Variants in SLC22A15 observed in about 807,000 individuals in gnomAD.
SLC22A15 encodes flipt 1.
In SLC22A15, 45 loss-of-function variants were observed where a neutral mutation model predicts 62.7. The observed-to-expected ratio is 0.72, with a 90% CI of 0.56 to 0.92. The LOEUF is 0.92. Ranked by LOEUF, SLC22A15 falls within the 40% of genes least tolerant of loss-of-function variation. The probability of loss-of-function intolerance (pLI) is 0.00; values close to 1 mark genes in which losing one functional copy is unlikely to be tolerated. For synonymous variants in SLC22A15, 264 were observed against 267.0 expected, an observed-to-expected ratio of 0.99 and a Z score of 0.11; for missense variants, 622 against 665.6, an observed-to-expected ratio of 0.93 and a Z score of 0.72.
At chr1:116,035,845 T>C (rs990275221) in intron 7 of SLC22A15, among the ~76,000 whole-genome samples, 1 of 152,206 alleles carries the variant, frequency 6.6e-6, no homozygotes, top group African/African-American at 2.4e-5. Context: ...TTGAGATAGA[T>C]TTTAAACGTT....
At chr1:116,056,111 A>T (rs1658200453) in intron 8 of SLC22A15, among the ~76,000 whole-genome samples, 1 of 150,980 alleles carries the variant, frequency 6.6e-6, no homozygotes, top group Non-Finnish European at 1.5e-5. Context: ...AGAGGAAGTC[A>T]AATTGTCCCT....
chr1:116,026,459 A>AAAGAAAG (rs2101384801), intron 4 of SLC22A15, among the ~76,000 whole-genome samples: 2 of 151,936 alleles, frequency 1.3e-5, no homozygotes, highest in African/African-American at 4.8e-5. Flanking sequence ...AGAAAAGAAA[A>AAAGAAAG]GAAAGAAACT....
In SLC22A15 at chr1:116,068,261, T is replaced by C. The variant is rs2101584979; in HGVS notation, c.*1153T>C. ...TTTCTCATGAAACTTGAATACTATCTCAAATAGGAATATAAACCTGGAGTC... is the reference window on the plus strand; with the variant it reads ...TTTCTCATGAAACTTGAATACTATCCCAAATAGGAATATAAACCTGGAGTC... On this transcript the variant is annotated 3_prime_UTR_variant, in exon 12 of 12. Transcript: ENST00000369503. 1 of 152,760 alleles carries C rather than the reference T, an allele frequency of 6.5e-6. No homozygotes were observed. The highest frequency in any genetic ancestry group is 1.9e-4 in the East Asian group (1 of 5,182). 9.5% of individuals were successfully genotyped at this position (152,760 alleles called of 1,614,324 possible).
chr1:116,000,905 T>C (rs900444707), intron 2 of SLC22A15, among the ~76,000 whole-genome samples: 1 of 152,324 alleles, frequency 6.6e-6, no homozygotes, highest in South Asian at 2.1e-4. Context: ...GTGCTGGGAT[T>C]ACAGGCGTGA....
chr1:116,059,145 A>T (rs1005680096), intron 8 of SLC22A15, among the ~76,000 whole-genome samples: 3 of 152,214 alleles, frequency 2.0e-5, no homozygotes, highest in Admixed American at 2.0e-4. Flanking sequence ...GTGGGATGCC[A>T]CAGGACACTG....
At chr1:116,025,166 C>T (rs1657029013) in intron 4 of SLC22A15, among the ~76,000 whole-genome samples, 2 of 152,134 alleles carry the variant, frequency 1.3e-5, no homozygotes. Flanking sequence ...TAGTATGTAA[C>T]AGAACTAGGA....
rs765083480 is a variant in SLC22A15, at chr1:116,020,851, T to G, written c.564T>G (p.Asn188Lys). 1 of 1,613,410 alleles carries G rather than the reference T, an allele frequency of 6.2e-7. No individual in the cohort carries two copies. The highest frequency in any genetic ancestry group is 8.5e-7 in the Non-Finnish European group (1 of 1,179,528). ...CGCTGGTGGCCTTTGTCTTGCTTAA[T>G]GAATGTGTGGGCACCGCCTACTGGG... The part of the protein sequence containing the change: ...GMSLVAFVLL[N>K]ECVGTAYWAL... Residue 188 changes from asparagine to lysine, a missense_variant, in exon 4 of 12, where the codon AAT becomes AAG. By Grantham distance (94) the Asn-to-Lys change is moderately conservative (BLOSUM62 0). Coordinates refer to ENST00000369503, the MANE Select transcript of SLC22A15 (RefSeq NM_018420.3).
chr1:116,064,190 T>C (rs1658444196), intron 9 of SLC22A15, among the ~76,000 whole-genome samples: 1 of 152,222 alleles, frequency 6.6e-6, no homozygotes, highest in Middle Eastern at 3.4e-3. Flanking sequence ...CAGTTCTTCA[T>C]CCTTCCTGGC....
Position 116,020,826 on chromosome 1 carries a change from C to G in SLC22A15, c.539C>G (p.Ser180Trp). The G allele has an allele frequency of 6.2e-7, 1 of 1,613,626 alleles. No homozygotes were observed. The highest frequency in any genetic ancestry group is 1.1e-5 in the South Asian group (1 of 91,048). Residue 180 changes from serine to tryptophan, a missense_variant, in exon 4 of 12, where the codon TCG becomes TGG. Transcript: ENST00000369503. Reference sequence around the variant, plus strand: ...GTGGGCATGATGAATGGAGGGATGTCGCTGGTGGCCTTTGTCTTGCTTAAT... The same window carrying G: ...GTGGGCATGATGAATGGAGGGATGTGGCTGGTGGCCTTTGTCTTGCTTAAT... ...FLVGMMNGGM[S>W]LVAFVLLNEC...
At position 116,067,278 on chromosome 1, in the gene SLC22A15, A is replaced by T; in HGVS notation, c.*170A>T. 1.7e-6 allele frequency: 1 copy of T among 590,434 alleles called. No homozygotes were observed. The allele number at this position is 590,434 out of a possible 1,614,324, so 36.6% of individuals were successfully genotyped here. A position where few individuals can be genotyped will look rare whatever the true frequency, so the allele number is the denominator to read the frequency against. On this transcript the variant is annotated 3_prime_UTR_variant, in exon 12 of 12. Coordinates refer to ENST00000369503, the MANE Select transcript of SLC22A15 (RefSeq NM_018420.3). Reference sequence around the variant, plus strand: ...TTTAGGCACAGAAGTTGGAGAAGAGATTTCATGAAAGACAACATCACTGCA... The same window carrying T: ...TTTAGGCACAGAAGTTGGAGAAGAGTTTTCATGAAAGACAACATCACTGCA...
At chr1:116,049,018 C>T (rs555181637) in intron 8 of SLC22A15, among the ~76,000 whole-genome samples, 33 of 152,260 alleles carry the variant, frequency 2.2e-4, no homozygotes, top group Admixed American at 9.8e-4. Context: ...CATTATATAA[C>T]GGCAAAAGCC....
At chr1:115,992,412 A>G in intron 2 of SLC22A15, among the ~76,000 whole-genome samples, 169 bp downstream of exon 2, 1 of 152,222 alleles carries the variant, frequency 6.6e-6, no homozygotes, top group Non-Finnish European at 1.5e-5. Flanking sequence ...ATGAGAACAC[A>G]TTCCTTTTCC....
chr1:116,063,628 G>A (rs1011226551), intron 9 of SLC22A15, among the ~76,000 whole-genome samples: 50 of 152,160 alleles, frequency 3.3e-4, no homozygotes, highest in Non-Finnish European at 6.9e-4. Context: ...ATTTTTCCTA[G>A]TAAGAGAGCA....
At chr1:116,055,932 A>G (rs1475602781) in intron 8 of SLC22A15, among the ~76,000 whole-genome samples, 3 of 147,670 alleles carry the variant, frequency 2.0e-5, no homozygotes, top group Non-Finnish European at 4.5e-5. Flanking sequence ...ATCTATGACA[A>G]ACCCACAGGC....
intron 2 of SLC22A15, among the ~76,000 whole-genome samples, chr1:116,006,837 C>T (rs1002564182): frequency 1.3e-5 from 2 of 151,920 alleles, no homozygotes; most frequent in Non-Finnish European, 2.9e-5. Context: ...CACTCTCTGT[C>T]TTGCCTTTCC....
Position 115,994,182 on chromosome 1 carries a change from C to A in SLC22A15, c.300+1939C>A, listed in dbSNP as rs545338292. 2.0e-5 allele frequency among the ~76,000 whole-genome samples: 3 copies of A among 147,142 alleles called. No individual in the cohort carries two copies. In the East Asian group the frequency reaches 5.8e-4, roughly 28 times the overall value. On this transcript the variant is annotated intron_variant, in intron 2 of 11. Coordinates refer to ENST00000369503, the MANE Select transcript of SLC22A15 (RefSeq NM_018420.3). The stretch of plus-strand genomic sequence containing the variant: ...GGCCTATAGCAACCACCAGCCCCAC[C>A]ACCACCACCACCACCACTACCACCA...
intron 1 of SLC22A15, among the ~76,000 whole-genome samples, chr1:115,982,577 A>G (rs1244642595): frequency 6.6e-6 from 1 of 152,148 alleles, no homozygotes; most frequent in African/African-American, 2.4e-5. Flanking sequence ...CTTGTGTTGC[A>G]TATGTTATGC....
rs140981101 is a variant in SLC22A15 at position 116,065,130 on chromosome 1, T to TA, written c.1365+623dup. Among the ~76,000 whole-genome samples the TA allele has an allele frequency of 3.6e-3, 548 of 152,256 alleles. 4 individuals are homozygous for TA. The highest frequency in any genetic ancestry group is 0.017 in the Middle Eastern group (5 of 294). On this transcript the variant is annotated intron_variant, in intron 10 of 11. Transcript: ENST00000369503. ...TCTGTGAAAGAACCCAGGGGACCCC[T>TA]ACGCAAGTCTCTCCTTGGTTTGATT...
intron 1 of SLC22A15, among the ~76,000 whole-genome samples, chr1:115,983,498 C>T (rs1212564810): frequency 3.3e-5 from 5 of 152,136 alleles, no homozygotes; most frequent in Admixed American, 6.5e-5. Flanking sequence ...ATAATCGATG[C>T]ATCATTCATT....
Sources: gnomAD v4.1 joint callset for allele counts (sites outside exome capture counted in the v4.1 genomes callset) on GRCh38, gnomAD v4.1.1 for gene constraint, MANE v1.5 for transcripts, NCBI Gene and HGNC (gene_info 2026-07-23, HGNC 2026-07-21) for gene names.